The following ERBB4 variants were observed in gnomAD, a reference collection of about 807,000 sequenced individuals.
The protein encoded by ERBB4 is erb-b2 receptor tyrosine kinase 4.
A neutral mutation model predicts 158.0 loss-of-function variants in ERBB4; 42 were observed. The observed-to-expected ratio is 0.27, with a 90% CI of 0.21 to 0.34. ERBB4 has a LOEUF of 0.34. Ranked by LOEUF, ERBB4 falls within the 10% of genes least tolerant of loss-of-function variation. The probability of loss-of-function intolerance (pLI) is 1.00; values close to 1 mark genes in which losing one functional copy is unlikely to be tolerated. For missense variants in ERBB4, 1,333 were observed against 1,624.1 expected, an observed-to-expected ratio of 0.82 and a Z score of 3.08; for synonymous variants, 583 against 558.7, an observed-to-expected ratio of 1.04 and a Z score of -0.61.
intron 2 of ERBB4, among the ~76,000 whole-genome samples, chr2:212,081,593 C>G (rs1348570577): frequency 6.6e-6 from 1 of 152,070 alleles, no homozygotes; most frequent in Admixed American, 6.6e-5. Context: ...AATACATTTA[C>G]TGATTAAAAA....
chr2:211,511,479 G>T (rs1368859471), intron 20 of ERBB4, among the ~76,000 whole-genome samples: 1 of 152,032 alleles, frequency 6.6e-6, no homozygotes, highest in East Asian at 1.9e-4. Context: ...TACTGAAAGA[G>T]AATAATTTAA....
intron 2 of ERBB4, among the ~76,000 whole-genome samples, chr2:212,075,240 C>G (rs2078241233): frequency 6.6e-6 from 1 of 151,720 alleles, no homozygotes; most frequent in East Asian, 1.9e-4. Context: ...TTCTCATACA[C>G]AAGACAAGCT....
chr2:211,861,800 G>A (rs2078062929), intron 3 of ERBB4, among the ~76,000 whole-genome samples: 2 of 152,144 alleles, frequency 1.3e-5, no homozygotes, highest in Admixed American at 1.3e-4. Context: ...AAATGAATGT[G>A]TGTGATCAGC....
intron 1 of ERBB4, among the ~76,000 whole-genome samples, chr2:212,499,037 T>C (rs1277489682): frequency 6.6e-6 from 1 of 151,918 alleles, no homozygotes; most frequent in Non-Finnish European, 1.5e-5. Flanking sequence ...ACAATTTCAG[T>C]AGGGGTCGCC....
intron 1 of ERBB4, among the ~76,000 whole-genome samples, chr2:212,266,279 T>C (rs2085133799): frequency 6.6e-6 from 1 of 151,956 alleles, no homozygotes; most frequent in African/African-American, 2.4e-5. Flanking sequence ...AAATAAGATA[T>C]AACCATACCA....
chr2:211,963,811 C>T (rs1300650104), intron 2 of ERBB4, among the ~76,000 whole-genome samples: 2 of 152,036 alleles, frequency 1.3e-5, no homozygotes, highest in Non-Finnish European at 2.9e-5. Flanking sequence ...CAGTCATTTC[C>T]TTTATAGGCA....
chr2:212,253,151 A>C (rs2084603453), intron 1 of ERBB4, among the ~76,000 whole-genome samples: 1 of 152,132 alleles, frequency 6.6e-6, no homozygotes, highest in African/African-American at 2.4e-5. Context: ...GCAGTCGCCA[A>C]AGTGATACCA....
In ERBB4 at chr2:212,265,653, C is replaced by T. The variant is rs113083412; in HGVS notation, c.83-140750G>A. 5.1e-3 allele frequency among the ~76,000 whole-genome samples: 774 copies of T among 152,112 alleles called. 4 individuals are homozygous for T. Among genetic ancestry groups the T allele is most frequent in the Middle Eastern group, 0.017 (5 of 294 alleles). ...AAATTACAATATACAGATCCCAAAACTTATTAATGTAACTTAAAAGACAAG... is the reference window on the plus strand; with the variant it reads ...AAATTACAATATACAGATCCCAAAATTTATTAATGTAACTTAAAAGACAAG... On this transcript the variant is annotated intron_variant, in intron 1 of 27. Transcript: ENST00000342788.
chr2:212,280,935 G>T (rs1237146888), intron 1 of ERBB4, among the ~76,000 whole-genome samples: 3 of 151,614 alleles, frequency 2.0e-5, no homozygotes, highest in Non-Finnish European at 3.0e-5. Flanking sequence ...CTAGATCCGA[G>T]GACTTGACAC....
intron 3 of ERBB4, among the ~76,000 whole-genome samples, chr2:211,851,994 A>T (rs2077732413): frequency 1.3e-5 from 2 of 151,918 alleles, no homozygotes; most frequent in South Asian, 4.1e-4. Flanking sequence ...GTCACAGAAA[A>T]CAATAAAAAT....
intron 1 of ERBB4, among the ~76,000 whole-genome samples, chr2:212,126,477 A>C (rs1348990309): frequency 6.6e-6 from 1 of 151,724 alleles, no homozygotes; most frequent in African/African-American, 2.4e-5. Flanking sequence ...AAAAAAAAAA[A>C]AAAAAAAATT....
intron 1 of ERBB4, among the ~76,000 whole-genome samples, chr2:212,354,006 A>G (rs993886223): frequency 1.3e-5 from 2 of 152,122 alleles, no homozygotes; most frequent in Admixed American, 6.6e-5. Flanking sequence ...GAACATTTCA[A>G]TGAGTGAAAA....
intron 2 of ERBB4, among the ~76,000 whole-genome samples, chr2:212,066,380 C>T (rs2077947494): frequency 6.6e-6 from 1 of 151,736 alleles, no homozygotes; most frequent in Non-Finnish European, 1.5e-5. Flanking sequence ...TCTTTCTGAC[C>T]TCAGTCAAAC....
chr2:211,784,589 C>A (rs1359643414), intron 4 of ERBB4, among the ~76,000 whole-genome samples: 2 of 152,024 alleles, frequency 1.3e-5, no homozygotes, highest in Non-Finnish European at 2.9e-5. Context: ...TCATTGAGAA[C>A]CTGCATTTAA....
intron 20 of ERBB4, among the ~76,000 whole-genome samples, chr2:211,507,495 T>C (rs1197116422): frequency 6.6e-6 from 1 of 152,138 alleles, no homozygotes; most frequent in Non-Finnish European, 1.5e-5. Context: ...AACTTCAAGC[T>C]ATGCTATAAG....
chr2:211,902,183 G>T (rs955105291), intron 3 of ERBB4, among the ~76,000 whole-genome samples: 1 of 151,896 alleles, frequency 6.6e-6, no homozygotes, highest in Non-Finnish European at 1.5e-5. Flanking sequence ...ATTACCCCTT[G>T]TTCTCTGTGC....
chr2:212,466,871 T>C (rs1396948361), intron 1 of ERBB4, among the ~76,000 whole-genome samples: 1 of 152,222 alleles, frequency 6.6e-6, no homozygotes, highest in African/African-American at 2.4e-5. Flanking sequence ...AATTGTTGAA[T>C]GGCTTTGACA....
At chr2:211,724,103 G>A (rs1378727305) in intron 6 of ERBB4, among the ~76,000 whole-genome samples, 5 of 152,128 alleles carry the variant, frequency 3.3e-5, no homozygotes, top group Non-Finnish European at 7.4e-5. Context: ...TCCATCCTAC[G>A]TCTGATGAAA....
chr2:212,359,997 C>T (rs1467917671), intron 1 of ERBB4, among the ~76,000 whole-genome samples: 1 of 151,562 alleles, frequency 6.6e-6, no homozygotes, highest in Non-Finnish European at 1.5e-5. Context: ...AAACATTGAT[C>T]AGAATCAGAG....
Sources: gnomAD v4.1 joint callset for allele counts (sites outside exome capture counted in the v4.1 genomes callset) on GRCh38, gnomAD v4.1.1 for gene constraint, MANE v1.5 for transcripts, NCBI Gene and HGNC (gene_info 2026-07-23, HGNC 2026-07-21) for gene names.